Variants in NLGN1 observed in about 807,000 individuals in gnomAD.
NLGN1 encodes neuroligin-1.
In NLGN1, 12 loss-of-function variants were observed where a neutral mutation model predicts 65.5. That is an observed-to-expected ratio of 0.18 (90% CI 0.12 to 0.30). NLGN1 has a LOEUF of 0.30. Ranked by LOEUF, NLGN1 falls within the 10% of genes least tolerant of loss-of-function variation. NLGN1 has a pLI of 1.00. For missense variants in NLGN1, 750 were observed against 1,007.1 expected (o/e 0.74, Z 3.46); for synonymous variants, 350 against 359.5 (o/e 0.97, Z 0.30).
At chr3:173,471,641 TTGG>T (rs962454963) in intron 2 of NLGN1, among the ~76,000 whole-genome samples, 48 of 152,244 alleles carry the variant, frequency 3.2e-4, no homozygotes, top group Admixed American at 1.9e-3. Flanking sequence ...CATATGAATT[TTGG>T]TAGGGACATA....
At chr3:173,856,880 T>A (rs970049793) in intron 4 of NLGN1, among the ~76,000 whole-genome samples, 2 of 152,002 alleles carry the variant, frequency 1.3e-5, no homozygotes, top group African/African-American at 2.4e-5. Context: ...ACTTTAGGAT[T>A]CAGGTTCACA....
intron 4 of NLGN1, among the ~76,000 whole-genome samples, chr3:173,829,703 T>G (rs546537334): frequency 6.6e-6 from 1 of 152,174 alleles, no homozygotes; most frequent in African/African-American, 2.4e-5. Context: ...ATTTTATAAC[T>G]GAAAGTTTGT....
intron 2 of NLGN1, among the ~76,000 whole-genome samples, chr3:173,573,714 T>G (rs962275770): frequency 6.6e-6 from 1 of 150,924 alleles, no homozygotes; most frequent in Non-Finnish European, 1.5e-5. Context: ...TTAGTGAATA[T>G]GGGAAGAGGA....
At chr3:174,283,704 T>TA (rs939817998) in exon 7 of NLGN1, 8 of 151,358 alleles carry the variant, frequency 5.3e-5, no homozygotes, top group Non-Finnish European at 8.9e-5. Flanking sequence ...TATTCCTCCA[T>TA]AATTAAAAAA....
intron 4 of NLGN1, among the ~76,000 whole-genome samples, chr3:174,197,077 C>G (rs1231816109): frequency 6.6e-6 from 1 of 152,120 alleles, no homozygotes; most frequent in Non-Finnish European, 1.5e-5. Flanking sequence ...ATATCTCTAT[C>G]TTTTAGCTAT....
At chr3:173,904,003 G>A (rs1257519776) in intron 4 of NLGN1, among the ~76,000 whole-genome samples, 2 of 151,768 alleles carry the variant, frequency 1.3e-5, no homozygotes, top group Non-Finnish European at 2.9e-5. Flanking sequence ...TGAAGTAGAG[G>A]TTTACTTTTC....
At chr3:173,974,150 G>A (rs1716904645) in intron 4 of NLGN1, among the ~76,000 whole-genome samples, 2 of 151,650 alleles carry the variant, frequency 1.3e-5, no homozygotes, top group African/African-American at 4.8e-5. Context: ...GTCTCATTGT[G>A]CATTTAGGAT....
intron 4 of NLGN1, among the ~76,000 whole-genome samples, chr3:173,902,554 A>G (rs1737562200): frequency 6.6e-6 from 1 of 152,104 alleles, no homozygotes; most frequent in South Asian, 2.1e-4. Flanking sequence ...ATCATTACAC[A>G]TGACCTTTGA....
At chr3:173,820,251 C>A (rs1484658744) in intron 4 of NLGN1, among the ~76,000 whole-genome samples, 1 of 150,812 alleles carries the variant, frequency 6.6e-6, no homozygotes, top group Non-Finnish European at 1.5e-5. Flanking sequence ...GCAAGAAAGT[C>A]TCCTGGATTT....
At chr3:173,592,675 A>C (rs962713193) in intron 2 of NLGN1, among the ~76,000 whole-genome samples, 1 of 152,220 alleles carries the variant, frequency 6.6e-6, no homozygotes, top group Non-Finnish European at 1.5e-5. Context: ...AGTATAATGA[A>C]TTAATGGGTC....
At chr3:173,880,991 A>T (rs1418431015) in intron 4 of NLGN1, among the ~76,000 whole-genome samples, 1 of 152,192 alleles carries the variant, frequency 6.6e-6, no homozygotes, top group Non-Finnish European at 1.5e-5. Flanking sequence ...CATCTCAAAA[A>T]AAACCACTTT....
At chr3:174,271,081 A>G (rs1245680625) in intron 4 of NLGN1, among the ~76,000 whole-genome samples, 1 of 151,848 alleles carries the variant, frequency 6.6e-6, no homozygotes, top group African/African-American at 2.4e-5. Flanking sequence ...GCATTGATAA[A>G]CACTGCAAAT....
At chr3:173,938,090 TAA>T (rs1210436438) in intron 4 of NLGN1, among the ~76,000 whole-genome samples, 2 of 152,162 alleles carry the variant, frequency 1.3e-5, no homozygotes, top group Non-Finnish European at 2.9e-5. Flanking sequence ...CAAAGATGAT[TAA>T]AAGAGGGTCC....
chr3:173,997,155 A>G (rs748236011), intron 4 of NLGN1, among the ~76,000 whole-genome samples: 1 of 152,156 alleles, frequency 6.6e-6, no homozygotes, highest in Non-Finnish European at 1.5e-5. Context: ...AGAGCAAACT[A>G]CATTCAATAA....
intron 3 of NLGN1, among the ~76,000 whole-genome samples, chr3:173,726,940 CA>C (rs5854531): frequency 0.77 from 103,381 of 134,030 alleles, 38,871 homozygotes; most frequent in East Asian, 0.86. Context: ...ATTTCCTTAC[CA>C]AAAAAAAAAA....
At chr3:173,938,715 C>T (rs544259272) in intron 4 of NLGN1, among the ~76,000 whole-genome samples, 3 of 152,106 alleles carry the variant, frequency 2.0e-5, no homozygotes, top group Admixed American at 6.5e-5. Context: ...AACAAACACC[C>T]TCCAGATTAG....
At chr3:174,081,796 C>G (rs1461347670) in intron 4 of NLGN1, among the ~76,000 whole-genome samples, 1 of 152,048 alleles carries the variant, frequency 6.6e-6, no homozygotes, top group Non-Finnish European at 1.5e-5. Context: ...GTCTCGAACT[C>G]CCGATCTCAG....
chr3:174,083,206 A>G (rs13077975), intron 4 of NLGN1, among the ~76,000 whole-genome samples: 29,690 of 152,106 alleles, frequency 0.2, 3,131 homozygotes, highest in East Asian at 0.4. Flanking sequence ...GTGTAGGGAA[A>G]TAATCCTGTA....
intron 3 of NLGN1, among the ~76,000 whole-genome samples, chr3:173,671,661 C>T (rs1182711273): frequency 2.0e-5 from 3 of 152,138 alleles, no homozygotes; most frequent in African/African-American, 7.2e-5. Context: ...TTTTTCTCCA[C>T]CCATTATGCA....
Sources: allele counts gnomAD v4.1 joint callset (sites outside exome capture counted in the v4.1 genomes callset), GRCh38; gene constraint gnomAD v4.1.1; transcripts MANE v1.5; gene names NCBI Gene and HGNC (gene_info 2026-07-23, HGNC 2026-07-21).